ZNF804B: variants seen among roughly 807,000 people sequenced by gnomAD.
ZNF804B encodes the protein zinc finger protein 804B, also known as zinc finger 804B.
ZNF804B carries 80 observed loss-of-function variants against 101.4 expected under a neutral mutation model. That is an observed-to-expected ratio of 0.79 (90% CI 0.66 to 0.95). The LOEUF is 0.95. Among genes scored for constraint, ZNF804B ranks in the 40% least tolerant of loss-of-function variants. The probability of loss-of-function intolerance (pLI) is 0.00; values close to 1 mark genes in which losing one functional copy is unlikely to be tolerated. For missense variants in ZNF804B, 1,673 were observed against 1,561.9 expected, an observed-to-expected ratio of 1.07 and a Z score of -1.20; for synonymous variants, 622 against 558.8, an observed-to-expected ratio of 1.11 and a Z score of -1.59.
intron 1 of ZNF804B, among the ~76,000 whole-genome samples, chr7:89,063,041 G>T (rs1789402022): frequency 6.6e-6 from 1 of 152,084 alleles, no homozygotes; most frequent in Non-Finnish European, 1.5e-5. Flanking sequence ...TTTATTTCAT[G>T]ATTGTTGTAA....
At chr7:89,233,339 G>A (rs939419346) in intron 2 of ZNF804B, among the ~76,000 whole-genome samples, 12 of 152,178 alleles carry the variant, frequency 7.9e-5, no homozygotes, top group Non-Finnish European at 1.2e-4. Flanking sequence ...CAATAAAATT[G>A]TGCCAGAGCA....
At chr7:88,806,291 C>T (rs1177984424) in intron 1 of ZNF804B, among the ~76,000 whole-genome samples, 1 of 152,060 alleles carries the variant, frequency 6.6e-6, no homozygotes, top group Non-Finnish European at 1.5e-5. Flanking sequence ...AAATTGTCAA[C>T]TCTTTTAGCT....
At chr7:89,178,936 C>T (rs1427222035) in intron 1 of ZNF804B, among the ~76,000 whole-genome samples, 1 of 152,060 alleles carries the variant, frequency 6.6e-6, no homozygotes, top group South Asian at 2.1e-4. Flanking sequence ...TTTTCTGGAA[C>T]AATTGATTCT....
At chr7:89,169,214 T>G (rs889599555) in intron 1 of ZNF804B, among the ~76,000 whole-genome samples, 7 of 152,066 alleles carry the variant, frequency 4.6e-5, no homozygotes, top group African/African-American at 1.7e-4. Flanking sequence ...GAACGAAACC[T>G]CAGCTCGAGC....
At chr7:88,857,372 T>C (rs1031749290) in intron 1 of ZNF804B, among the ~76,000 whole-genome samples, 1 of 151,708 alleles carries the variant, frequency 6.6e-6, no homozygotes, top group African/African-American at 2.4e-5. Context: ...CTAGGAAGAC[T>C]AATAAAGAAG....
intron 1 of ZNF804B, among the ~76,000 whole-genome samples, chr7:89,076,419 C>T (rs1436844497): frequency 3.3e-5 from 5 of 152,122 alleles, no homozygotes; most frequent in African/African-American, 9.7e-5. Context: ...CCATGTAAGA[C>T]GTGACTTGCT....
chr7:89,147,562 G>A (rs966244872), intron 1 of ZNF804B, among the ~76,000 whole-genome samples: 17 of 152,042 alleles, frequency 1.1e-4, no homozygotes, highest in Admixed American at 1.1e-3. Flanking sequence ...GTATAGAGCA[G>A]TGGTCCCCAT....
In ZNF804B at chr7:89,053,974, A is replaced by T. The variant is rs150673096; in HGVS notation, c.109-164181A>T. 5.9e-5 allele frequency among the ~76,000 whole-genome samples: 9 copies of T among 152,168 alleles called. No homozygotes were observed. The East Asian group carries it at 1.7e-3, about 29-fold the overall frequency. On this transcript the variant is annotated intron_variant, in intron 1 of 3. Coordinates refer to ENST00000333190, the MANE Select transcript of ZNF804B (RefSeq NM_181646.5). ...TATTTGTCACTCACTATTCAATTAC[A>T]GTACTCATATATGGCTTTAACCTCT...
At chr7:89,059,291 T>C (rs1335462164) in intron 1 of ZNF804B, among the ~76,000 whole-genome samples, 1 of 152,142 alleles carries the variant, frequency 6.6e-6, no homozygotes, top group Non-Finnish European at 1.5e-5. Flanking sequence ...GGGTAATATA[T>C]AAAGAAAAGA....
At chr7:88,915,838 G>C (rs1332424776) in intron 1 of ZNF804B, among the ~76,000 whole-genome samples, 1 of 151,608 alleles carries the variant, frequency 6.6e-6, no homozygotes, top group East Asian at 1.9e-4. Flanking sequence ...TAAAAATAAG[G>C]ATAGTGTAAC....
intron 2 of ZNF804B, among the ~76,000 whole-genome samples, chr7:89,277,488 CCCCCT>C (rs1562934706): frequency 2.4e-4 from 11 of 45,962 alleles, no homozygotes; most frequent in South Asian, 1.1e-3. Context: ...CTCCCCCCTC[CCCCCT>C]CCCCCCTACC....
intron 1 of ZNF804B, among the ~76,000 whole-genome samples, chr7:89,149,120 G>T (rs1790833372): frequency 6.6e-6 from 1 of 152,052 alleles, no homozygotes. Flanking sequence ...CCCATGGCAT[G>T]AACCTTTCAT....
chr7:89,047,391 A>T lies in ZNF804B; in HGVS notation c.109-170764A>T, dbSNP rs1229740600. ...ATGAATTAGGGATAATGTGTATTAAATTACCAAAAATAATGATTGGCATTT... is the reference window on the plus strand; with the variant it reads ...ATGAATTAGGGATAATGTGTATTAATTTACCAAAAATAATGATTGGCATTT... On this transcript the variant is annotated intron_variant, in intron 1 of 3. Coordinates refer to ENST00000333190, the MANE Select transcript of ZNF804B (RefSeq NM_181646.5). 3.3e-5 allele frequency among the ~76,000 whole-genome samples: 5 copies of T among 152,284 alleles called. No individual in the cohort carries two copies. The East Asian group carries it at 9.7e-4, about 29-fold the overall frequency.
intron 1 of ZNF804B, among the ~76,000 whole-genome samples, chr7:88,781,131 T>A (rs1419455952): frequency 6.6e-6 from 1 of 152,182 alleles, no homozygotes; most frequent in African/African-American, 2.4e-5. Flanking sequence ...ACAATAAAAA[T>A]TCCTTCGTAT....
intron 1 of ZNF804B, among the ~76,000 whole-genome samples, chr7:89,136,739 G>GTT (rs1288721412): frequency 7.1e-5 from 2 of 28,100 alleles, no homozygotes; most frequent in Non-Finnish European, 1.3e-4. Context: ...GTGTGTGAGT[G>GTT]TGTGTGTGTG....
At chr7:88,900,605 A>G (rs1792374079) in intron 1 of ZNF804B, among the ~76,000 whole-genome samples, 1 of 149,494 alleles carries the variant, frequency 6.7e-6, no homozygotes, top group Admixed American at 6.7e-5. Flanking sequence ...AAAAGAGAAA[A>G]AAAAATCTCT....
intron 1 of ZNF804B, among the ~76,000 whole-genome samples, chr7:89,082,945 A>G (rs1484526931): frequency 6.6e-6 from 1 of 151,784 alleles, no homozygotes; most frequent in Non-Finnish European, 1.5e-5. Context: ...ATTACATATT[A>G]TTGGCACTTT....
intron 1 of ZNF804B, among the ~76,000 whole-genome samples, chr7:89,092,360 T>TA (rs1789904228): frequency 6.6e-6 from 1 of 151,596 alleles, no homozygotes; most frequent in South Asian, 2.1e-4. Flanking sequence ...CGTGGACACT[T>TA]ACGTTATACT....
chr7:88,966,475 ACTC>A (rs1412513422), intron 1 of ZNF804B, among the ~76,000 whole-genome samples: 2 of 151,466 alleles, frequency 1.3e-5, no homozygotes, highest in Non-Finnish European at 3.0e-5. Context: ...TTTTAAAAGA[ACTC>A]CTGAAAATTC....
Sources: gnomAD v4.1 joint callset for allele counts (sites outside exome capture counted in the v4.1 genomes callset) on GRCh38, gnomAD v4.1.1 for gene constraint, MANE v1.5 for transcripts, NCBI Gene and HGNC (gene_info 2026-07-23, HGNC 2026-07-21) for gene names.